Variants in EYS observed in about 807,000 individuals in gnomAD.
EYS encodes the protein protein eyes shut homolog.
In EYS, 250 loss-of-function variants were observed where a neutral mutation model predicts 282.1. The ratio of observed to expected loss-of-function variants is 0.89; its 90% confidence interval spans 0.80 to 0.98. The LOEUF (loss-of-function observed/expected upper bound fraction) is 0.98. EYS is among the 50% of genes least tolerant of loss of function. EYS has a pLI of 0.00. For missense variants in EYS, 4,016 were observed against 3,709.0 expected (o/e 1.08, Z -2.15); for synonymous variants, 1,355 against 1,282.9 (o/e 1.06, Z -1.20).
chr6:64,072,397 A>T (rs1582229197), intron 32 of EYS, among the ~76,000 whole-genome samples: 1 of 148,622 alleles, frequency 6.7e-6, no homozygotes, highest in African/African-American at 2.5e-5. Context: ...TTCGGCTTCT[A>T]CTCTTTAGTA....
chr6:64,876,902 G>A lies in EYS; in HGVS notation c.2992+9795C>T, dbSNP rs572185363. Among the ~76,000 whole-genome samples, 260 of 152,184 alleles carry A rather than the reference G, an allele frequency of 1.7e-3. 1 individual carries two copies. The highest frequency in any genetic ancestry group is 5.7e-3 in the African/African-American group (238 of 41,536). ...TGTAAGGAGTATGTGCTTTGTTCAA[G>A]TATTTTGGGAAGCTACGGAAGATTT... On this transcript the variant is annotated intron_variant, in intron 19 of 42. Transcript: ENST00000503581.
chr6:64,875,262 A>C (rs9342446), intron 19 of EYS, among the ~76,000 whole-genome samples: 23,505 of 151,928 alleles, frequency 0.15, 2,134 homozygotes, highest in East Asian at 0.49. Flanking sequence ...TGGAGAATTA[A>C]AATGTTCATG....
intron 29 of EYS, among the ~76,000 whole-genome samples, chr6:64,372,504 T>C (rs527619747): frequency 6.6e-6 from 1 of 152,210 alleles, no homozygotes; most frequent in African/African-American, 2.4e-5. Context: ...GAGAATCTGA[T>C]GTCTCTGTGT....
At chr6:65,249,408 A>C (rs905686227) in intron 12 of EYS, among the ~76,000 whole-genome samples, 9 of 152,066 alleles carry the variant, frequency 5.9e-5, no homozygotes, top group Non-Finnish European at 1.0e-4. Flanking sequence ...AATTTTTGAG[A>C]AACATCTCAG....
intron 12 of EYS, among the ~76,000 whole-genome samples, chr6:65,141,277 G>A (rs56735609): frequency 0.24 from 36,073 of 151,774 alleles, 4,483 homozygotes; most frequent in African/African-American, 0.28. Flanking sequence ...TCACTCATAG[G>A]TGGGAATTGA....
At chr6:65,519,694 A>C (rs1248527427) in intron 2 of EYS, among the ~76,000 whole-genome samples, 1 of 37,054 alleles carries the variant, frequency 2.7e-5, no homozygotes, top group African/African-American at 1.7e-4. Flanking sequence ...AACTATATAT[A>C]TATATATATA....
In EYS at chr6:65,345,254, TA is replaced by T. The variant is rs553031312; in HGVS notation, c.1460-1078del. ...TTACAGAAAATTATGGCTATGTTAA[TA>T]AAACAATTAATGGATGAGATTATCA... is the stretch of plus-strand genomic sequence containing the variant. On this transcript the variant is annotated intron_variant, in intron 9 of 42. Coordinates refer to ENST00000503581, the MANE Select transcript of EYS (RefSeq NM_001142800.2). Among the ~76,000 whole-genome samples, 451 of 151,898 alleles carry T rather than the reference TA, an allele frequency of 3.0e-3. 4 individuals carry two copies. The highest frequency in any genetic ancestry group is 9.8e-3 in the African/African-American group (407 of 41,506).
intron 30 of EYS, among the ~76,000 whole-genome samples, chr6:64,266,404 A>G (rs911851267): frequency 2.0e-5 from 3 of 152,106 alleles, no homozygotes; most frequent in Admixed American, 6.6e-5. Flanking sequence ...AAACTAAAAA[A>G]ACCCGAGTGA....
chr6:64,877,758 G>C (rs1766793761), intron 19 of EYS, among the ~76,000 whole-genome samples: 1 of 152,038 alleles, frequency 6.6e-6, no homozygotes, highest in African/African-American at 2.4e-5. Context: ...TAGACAGCAG[G>C]TTTCAAAATT....
intron 2 of EYS, among the ~76,000 whole-genome samples, chr6:65,561,697 TA>T (rs1562260268): frequency 6.6e-6 from 1 of 152,056 alleles, no homozygotes; most frequent in Non-Finnish European, 1.5e-5. Flanking sequence ...GATGGCATCT[TA>T]AAAATATGTA....
At position 64,434,762 on chromosome 6, in the gene EYS, A is replaced by C. The variant is rs374974125; in HGVS notation, c.5927+1412T>G. Among the ~76,000 whole-genome samples the C allele has an allele frequency of 3.7e-4, 57 of 152,262 alleles. No individual in the cohort carries two copies. The East Asian group carries it at 8.1e-3, about 22-fold the overall frequency. On this transcript the variant is annotated intron_variant, in intron 28 of 42. Coordinates refer to ENST00000503581, the MANE Select transcript of EYS (RefSeq NM_001142800.2). ...TAATTGTTTATAGGAATACATTCAT[A>C]TATGTAATACAATTAGTACTTGATA...
chr6:64,865,493 A>T (rs1285451243), intron 19 of EYS, among the ~76,000 whole-genome samples: 2 of 152,232 alleles, frequency 1.3e-5, no homozygotes, highest in Non-Finnish European at 2.9e-5. Context: ...TAGATATGTT[A>T]CAGGAAACAA....
chr6:64,902,393 G>A lies in EYS; in HGVS notation c.2738+11C>T, dbSNP rs971078541. The A allele has an allele frequency of 3.3e-6, 5 of 1,525,434 alleles. No homozygotes were observed. The South Asian group carries it at 5.0e-5, about 15-fold the overall frequency. 94.5% of individuals were successfully genotyped at this position (1,525,434 alleles called of 1,614,324 possible). A position where few individuals can be genotyped will look rare whatever the true frequency, so the allele number is the denominator to read the frequency against. ...AAACATGTATCTAGATACTTTTTAAGTTTTCTGTACCTGAAATTGTTGACC... is the reference window on the plus strand; with the variant it reads ...AAACATGTATCTAGATACTTTTTAAATTTTCTGTACCTGAAATTGTTGACC... On this transcript the variant is annotated intron_variant, in intron 17 of 42. Coordinates refer to ENST00000503581, the MANE Select transcript of EYS (RefSeq NM_001142800.2).
At chr6:64,050,627 C>A (rs1391734468) in intron 33 of EYS, among the ~76,000 whole-genome samples, 2 of 152,156 alleles carry the variant, frequency 1.3e-5, no homozygotes, top group Non-Finnish European at 2.9e-5. Context: ...ACTTTCTGGG[C>A]AGTGCCACAA....
In EYS at chr6:63,745,945, C is replaced by T. The variant is rs143104749; in HGVS notation, c.8071+16516G>A. On this transcript the variant is annotated intron_variant, in intron 41 of 42. Coordinates refer to ENST00000503581, the MANE Select transcript of EYS (RefSeq NM_001142800.2). ...TCTCTGTGTGTACCATGTGAGGACA[C>T]AGGTAGAGCCAGCTGTCTACAAGCC... Among the ~76,000 whole-genome samples, 426 of 152,306 alleles carry T rather than the reference C, an allele frequency of 2.8e-3. 3 individuals carry two copies. Among genetic ancestry groups the T allele is most frequent in the African/African-American group, 9.6e-3 (401 of 41,568 alleles).
Position 64,473,148 on chromosome 6 carries a change from T to C in EYS, c.5645-33796A>G, listed in dbSNP as rs186044724. On this transcript the variant is annotated intron_variant, in intron 26 of 42. Coordinates refer to ENST00000503581, the MANE Select transcript of EYS (RefSeq NM_001142800.2). ...GTTTCTGAAATAAAAGAGGAAGATATATGTGTAATTTTATAAAACTCTGGG... is the reference window on the plus strand; with the variant it reads ...GTTTCTGAAATAAAAGAGGAAGATACATGTGTAATTTTATAAAACTCTGGG... Among the ~76,000 whole-genome samples, 28 of 152,286 alleles carry C rather than the reference T, an allele frequency of 1.8e-4. No homozygotes were observed. In the South Asian group the frequency reaches 4.6e-3, roughly 25 times the overall value.
chr6:63,837,721 C>T (rs1771844869), intron 36 of EYS, among the ~76,000 whole-genome samples: 1 of 152,048 alleles, frequency 6.6e-6, no homozygotes. Flanking sequence ...CTATTGGACT[C>T]TGTTATTATT....
chr6:64,143,741 A>C (rs1200625825), intron 31 of EYS, among the ~76,000 whole-genome samples: 1 of 152,222 alleles, frequency 6.6e-6, no homozygotes, highest in Non-Finnish European at 1.5e-5. Flanking sequence ...CAGGGACCAC[A>C]GTCTCTTTAT....
intron 30 of EYS, 118 bp downstream of exon 30, chr6:64,306,852 G>A: frequency 3.1e-6 from 2 of 640,816 alleles, no homozygotes; most frequent in Non-Finnish European, 5.4e-6. Context: ...GGAATGTGAA[G>A]CAAAAACAAA....
Sources: gnomAD v4.1 joint callset for allele counts (sites outside exome capture counted in the v4.1 genomes callset) on GRCh38, gnomAD v4.1.1 for gene constraint, MANE v1.5 for transcripts, NCBI Gene and HGNC (gene_info 2026-07-23, HGNC 2026-07-21) for gene names.